MAP4K1: variants seen among roughly 807,000 people sequenced by gnomAD.
MAP4K1 encodes the protein MAPK/ERK kinase kinase kinase 1.
A neutral mutation model predicts 122.8 loss-of-function variants in MAP4K1; 35 were observed. The observed-to-expected ratio is 0.29, with a 90% CI of 0.22 to 0.38. The LOEUF (loss-of-function observed/expected upper bound fraction) is 0.38. MAP4K1 is among the 10% of genes least tolerant of loss of function. The pLI is 1.00. For synonymous variants in MAP4K1, 412 were observed against 421.3 expected (o/e 0.98, Z 0.27); for missense variants, 791 against 1,072.6 (o/e 0.74, Z 3.67).
chr19:38,598,121 C>T (rs1454320292), intron 22 of MAP4K1, among the ~76,000 whole-genome samples: 2 of 150,448 alleles, frequency 1.3e-5, no homozygotes, highest in African/African-American at 2.5e-5. Context: ...GCCTCTGCCT[C>T]CCAGGTTCAA....
intron 30 of MAP4K1, among the ~76,000 whole-genome samples, chr19:38,588,262 G>A (rs1255011336): frequency 2.0e-5 from 3 of 152,150 alleles, no homozygotes; most frequent in Non-Finnish European, 4.4e-5. Context: ...GAGGCCATGG[G>A]AGGATTTTAA....
At chr19:38,602,290 G>A (rs1001592836) in intron 19 of MAP4K1, among the ~76,000 whole-genome samples, 3 of 152,018 alleles carry the variant, frequency 2.0e-5, no homozygotes, top group Non-Finnish European at 4.4e-5. Flanking sequence ...GGCCAGGCTG[G>A]TCTCGAACTC....
chr19:38,614,456 C>G lies in MAP4K1; in HGVS notation c.314-11G>C. ...ACAGGGAGCCTGTCACTGCAAAGGTCACCCCGGCCAGGCCAGGCATTGGAT... is the reference window on the plus strand; with the variant it reads ...ACAGGGAGCCTGTCACTGCAAAGGTGACCCCGGCCAGGCCAGGCATTGGAT... On this transcript the variant is annotated splice_polypyrimidine_tract_variant and intron_variant, in intron 4 of 30. Transcript: ENST00000396857. 1 of 1,613,940 alleles carries G rather than the reference C, an allele frequency of 6.2e-7. No individual in the cohort carries two copies. The highest frequency in any genetic ancestry group is 8.5e-7 in the Non-Finnish European group (1 of 1,180,028).
chr19:38,616,202 G>A lies in MAP4K1; in HGVS notation c.306C>T (p.Ile102=). 6.2e-7 allele frequency: 1 copy of A among 1,613,324 alleles called. No homozygotes were observed. The highest frequency in any genetic ancestry group is 1.7e-4 in the Middle Eastern group (1 of 6,050). ...EFCGAGSLQD[I]YQVTGSLSEL... Reference sequence around the variant, plus strand: ...CGTTGTCCTTTCTCTAACCTTGGTAGATGTCCTGGAGAGAACCAGCCCCAC... The same window carrying A: ...CGTTGTCCTTTCTCTAACCTTGGTAAATGTCCTGGAGAGAACCAGCCCCAC... The change falls in exon 4 of 31, where the codon ATC becomes ATT. Residue 102 remains isoleucine (I), a synonymous_variant. Coordinates refer to ENST00000396857, the MANE Select transcript of MAP4K1 (RefSeq NM_001042600.3).
intron 13 of MAP4K1, 24 bp from the exon 14 acceptor site, chr19:38,608,194 C>G: frequency 7.0e-7 from 1 of 1,426,142 alleles, no homozygotes; most frequent in Non-Finnish European, 9.4e-7. Context: ...GGGAAGATAA[C>G]CTGCTGTGAG....
At position 38,612,617 on chromosome 19, in the gene MAP4K1, G is replaced by C. The variant is rs1396526530; in HGVS notation, c.659C>G (p.Pro220Arg). Reference sequence around the variant, plus strand: ...GGACCCCACGCCTGCCTACCTGAGAGGGTGCACATCAAAGAGCGGTGGCTG... The same window carrying C: ...GGACCCCACGCCTGCCTACCTGAGACGGTGCACATCAAAGAGCGGTGGCTG... ...ELQPPLFDVH[P>R]LRVLFLMTKS... The change falls in exon 9 of 31, where the codon CCT (proline) becomes CGT (arginine). Residue 220 changes from proline to arginine, a missense_variant. Pro to Arg is a moderately radical substitution (Grantham distance 103). Transcript: ENST00000396857. 6.2e-7 allele frequency: 1 copy of C among 1,612,794 alleles called. No homozygotes were observed. The highest frequency in any genetic ancestry group is 8.5e-7 in the Non-Finnish European group (1 of 1,179,796).
At chr19:38,601,599 G>A (rs1398091504) in intron 19 of MAP4K1, 74 bp from the exon 20 acceptor site, 14 of 1,135,356 alleles carry the variant, frequency 1.2e-5, no homozygotes, top group East Asian at 2.6e-5. Context: ...CAGTGGTTAC[G>A]ACTTTGGAGC....
chr19:38,609,536 G>A, intron 13 of MAP4K1, 60 bp downstream of exon 13: 2 of 1,453,790 alleles, frequency 1.4e-6, no homozygotes, highest in Non-Finnish European at 9.5e-7. Context: ...GTAGGGGAAG[G>A]TGGTCTCTTA....
intron 9 of MAP4K1, among the ~76,000 whole-genome samples, chr19:38,612,334 A>T (rs1975522604): frequency 6.6e-6 from 1 of 150,728 alleles, no homozygotes; most frequent in Admixed American, 6.6e-5. Context: ...GCAGGAAAAT[A>T]GCTTGAACCC....
rs1215781421 is a variant in MAP4K1 at position 38,603,215 on chromosome 19, TACACATATACATATAC to T, written c.1447-1706_1447-1691del. Among the ~76,000 whole-genome samples the T allele has an allele frequency of 2.0e-5, 3 of 148,606 alleles. No homozygotes were observed. In the East Asian group the frequency reaches 6.1e-4, roughly 30 times the overall value. ...ATATACATATATACACATACATATA[TACACATATACATATAC>T]ACATATATATACACATGTACATATA... On this transcript the variant is annotated intron_variant, in intron 19 of 30. Coordinates refer to ENST00000396857, the MANE Select transcript of MAP4K1 (RefSeq NM_001042600.3).
In MAP4K1 at chr19:38,595,957, C is replaced by A; in HGVS notation, c.2161G>T (p.Val721Leu). ...TTCTCACCATCCATCAACACCATCA[C>A]CATATCTTCCTCTACCTGGGTCACC... Reference protein sequence around the residue: ...VQVTQVEEDMVMVLMDGSVKL... With the variant: ...VQVTQVEEDMLMVLMDGSVKL... The change falls in exon 27 of 31, where the codon GTG becomes TTG. Residue 721 changes from valine to leucine, a missense_variant. By Grantham distance (32) the Val-to-Leu change is conservative. This residue lies in a region of MAP4K1 where 267 missense variants were observed against 323.0 expected (regional missense o/e 0.83). Coordinates refer to ENST00000396857, the MANE Select transcript of MAP4K1 (RefSeq NM_001042600.3). The A allele has an allele frequency of 6.2e-7, 1 of 1,614,008 alleles. No homozygotes were observed. The highest frequency in any genetic ancestry group is 8.5e-7 in the Non-Finnish European group (1 of 1,179,984).
chr19:38,603,380 A>G (rs1975219461), intron 19 of MAP4K1, among the ~76,000 whole-genome samples: 1 of 151,188 alleles, frequency 6.6e-6, no homozygotes, highest in Non-Finnish European at 1.5e-5. Context: ...ATACATATAT[A>G]CACATGTACA....
chr19:38,587,838 T>C, intron 30 of MAP4K1, 21 bp from the exon 31 acceptor site: 5 of 1,576,138 alleles, frequency 3.2e-6, no homozygotes, highest in Non-Finnish European at 4.4e-6. Context: ...AAGAGATAAG[T>C]CAGTTCATTT....
chr19:38,610,173 A>T (rs918716137), intron 11 of MAP4K1, 148 bp from the exon 12 acceptor site: 2 of 604,076 alleles, frequency 3.3e-6, no homozygotes, highest in Non-Finnish European at 5.9e-6. Context: ...GAGGGCGGGG[A>T]AATCCAGGGA....
intron 26 of MAP4K1, 28 bp downstream of exon 26, chr19:38,596,284 G>A (rs761840260): frequency 6.6e-7 from 1 of 1,523,372 alleles, no homozygotes; most frequent in Non-Finnish European, 8.8e-7. Context: ...GATAAGCCCC[G>A]CCCTCAGCAA....
Position 38,599,912 on chromosome 19 carries a change from C to T in MAP4K1, c.1669+13G>A. The T allele has an allele frequency of 6.2e-7, 1 of 1,613,852 alleles. No individual in the cohort carries two copies. The highest frequency in any genetic ancestry group is 8.5e-7 in the Non-Finnish European group (1 of 1,179,814). ...ACTTCCGACCCCATCCCACCTGCTACCCACAGCCAGACCTGAGAGAGACAT... is the reference window on the plus strand; with the variant it reads ...ACTTCCGACCCCATCCCACCTGCTATCCACAGCCAGACCTGAGAGAGACAT... On this transcript the variant is annotated intron_variant, in intron 22 of 30. Transcript: ENST00000396857.
At chr19:38,601,870 C>T (rs771353571) in intron 19 of MAP4K1, among the ~76,000 whole-genome samples, 9 of 150,832 alleles carry the variant, frequency 6.0e-5, no homozygotes, top group Non-Finnish European at 1.0e-4. Context: ...CTCTGCTTCC[C>T]AAGTTCAACT....
intron 16 of MAP4K1, 85 bp from the exon 17 acceptor site, chr19:38,606,300 G>A (rs1042611751): frequency 3.2e-5 from 21 of 662,996 alleles, no homozygotes; most frequent in South Asian, 1.5e-4. Context: ...CTGGAGGCCC[G>A]GGACTGGGGT....
At chr19:38,608,932 G>C (rs1249325149) in intron 13 of MAP4K1, among the ~76,000 whole-genome samples, 1 of 151,354 alleles carries the variant, frequency 6.6e-6, no homozygotes, top group Non-Finnish European at 1.5e-5. Flanking sequence ...AGTGAGCTGT[G>C]ATCACACCAC....
Sources: allele counts gnomAD v4.1 joint callset (sites outside exome capture counted in the v4.1 genomes callset), GRCh38; gene constraint gnomAD v4.1.1; regional missense constraint gnomAD v4.1.1; transcripts MANE v1.5; gene names NCBI Gene and HGNC (gene_info 2026-07-23, HGNC 2026-07-21).